The following TBC1D22A variants were observed in gnomAD, a reference collection of about 807,000 sequenced individuals.
TBC1D22A encodes putative GTPase activator.
TBC1D22A carries 38 observed loss-of-function variants against 60.2 expected under a neutral mutation model. That is an observed-to-expected ratio of 0.63 (90% CI 0.49 to 0.83). TBC1D22A has a LOEUF of 0.83. TBC1D22A is among the 40% of genes least tolerant of loss of function. The pLI, the probability that TBC1D22A is intolerant of heterozygous loss-of-function variation, is 0.00. For missense variants in TBC1D22A, 628 were observed against 701.0 expected (o/e 0.90, Z 1.18); for synonymous variants, 302 against 281.7 (o/e 1.07, Z -0.72).
At chr22:47,044,064 G>T (rs1291486349) in intron 11 of TBC1D22A, among the ~76,000 whole-genome samples, 1 of 91,206 alleles carries the variant, frequency 1.1e-5, no homozygotes, top group Non-Finnish European at 2.3e-5. Flanking sequence ...CACTGGGGTG[G>T]AAGGGCATCG....
chr22:47,098,997 A>T (rs1458621667), intron 11 of TBC1D22A, among the ~76,000 whole-genome samples: 1 of 152,212 alleles, frequency 6.6e-6, no homozygotes, highest in African/African-American at 2.4e-5. Flanking sequence ...GCTCCTGAAG[A>T]TGAATTTCCC....
chr22:47,150,079 A>G (rs902863546), intron 12 of TBC1D22A, among the ~76,000 whole-genome samples: 1 of 152,114 alleles, frequency 6.6e-6, no homozygotes, highest in African/African-American at 2.4e-5. Flanking sequence ...GTTCCTGTCT[A>G]TAAAATGAGT....
intron 4 of TBC1D22A, among the ~76,000 whole-genome samples, chr22:46,857,389 C>T (rs1489675634): frequency 5.3e-5 from 8 of 152,184 alleles, no homozygotes; most frequent in African/African-American, 1.7e-4. Flanking sequence ...GCTGTAGTCC[C>T]GCAGCAGAGG....
At chr22:47,002,719 AG>A (rs1036001449) in intron 10 of TBC1D22A, among the ~76,000 whole-genome samples, 14 of 152,186 alleles carry the variant, frequency 9.2e-5, no homozygotes, top group African/African-American at 3.4e-4. Flanking sequence ...TGGTGGTGCC[AG>A]GGCACCGTTG....
intron 8 of TBC1D22A, among the ~76,000 whole-genome samples, chr22:46,949,084 C>A (rs1454444377): frequency 1.3e-5 from 2 of 152,158 alleles, no homozygotes; most frequent in African/African-American, 4.8e-5. Context: ...GACAGTCTGA[C>A]CCAATGAGGG....
chr22:47,121,178 A>G (rs576367524), intron 12 of TBC1D22A, among the ~76,000 whole-genome samples: 56 of 152,364 alleles, frequency 3.7e-4, no homozygotes, highest in African/African-American at 1.3e-3. Flanking sequence ...TAAAGAATCG[A>G]AAATGGAAGC....
chr22:47,111,385 A>G, intron 11 of TBC1D22A, 123 bp from the exon 12 acceptor site: 1 of 788,094 alleles, frequency 1.3e-6, no homozygotes, highest in Non-Finnish European at 2.1e-6. Context: ...AAAGTGAGTC[A>G]ACACAAGCTT....
chr22:46,878,747 C>G, intron 5 of TBC1D22A, 24 bp downstream of exon 5: 1 of 1,609,908 alleles, frequency 6.2e-7, no homozygotes, highest in Non-Finnish European at 8.5e-7. Context: ...CACCGCCCAT[C>G]AGCGCCTCCT....
chr22:46,868,313 C>T (rs2067149364), intron 4 of TBC1D22A, among the ~76,000 whole-genome samples: 1 of 152,266 alleles, frequency 6.6e-6, no homozygotes, highest in Middle Eastern at 3.4e-3. Context: ...TCAGTATACA[C>T]ACATTTTGTT....
intron 12 of TBC1D22A, chr22:47,116,030 T>TG (rs2066034400): frequency 6.6e-6 from 1 of 152,270 alleles, no homozygotes; most frequent in East Asian, 1.9e-4. Context: ...CCCAGGGGAC[T>TG]GGGGGTCCAA....
chr22:47,151,226 G>T (rs922618922), intron 12 of TBC1D22A, among the ~76,000 whole-genome samples: 1 of 152,196 alleles, frequency 6.6e-6, no homozygotes, highest in African/African-American at 2.4e-5. Context: ...ACGCTGCGTG[G>T]TGTGGGGTTC....
chr22:47,142,266 CCACT>C (rs1310148724), intron 12 of TBC1D22A, among the ~76,000 whole-genome samples: 1 of 138,956 alleles, frequency 7.2e-6, no homozygotes, highest in Non-Finnish European at 1.6e-5. Context: ...ACCCACCCAC[CCACT>C]CATCCACCCC....
intron 9 of TBC1D22A, among the ~76,000 whole-genome samples, chr22:46,982,322 C>T (rs1245189826): frequency 2.6e-5 from 4 of 151,122 alleles, no homozygotes; most frequent in Non-Finnish European, 5.9e-5. Flanking sequence ...CTCCCGGGTT[C>T]AAGCAATTCT....
intron 12 of TBC1D22A, among the ~76,000 whole-genome samples, chr22:47,150,340 G>A (rs1454848241): frequency 6.6e-6 from 1 of 152,150 alleles, no homozygotes; most frequent in Non-Finnish European, 1.5e-5. Flanking sequence ...GAGGGCTCCA[G>A]GCAGCTTGGA....
intron 8 of TBC1D22A, among the ~76,000 whole-genome samples, chr22:46,944,555 T>C (rs544789234): frequency 6.2e-4 from 95 of 152,170 alleles, no homozygotes; most frequent in Middle Eastern, 3.4e-3. Context: ...CCCGCCACCA[T>C]GCCCGGCTAA....
intron 8 of TBC1D22A, among the ~76,000 whole-genome samples, chr22:46,921,355 C>T (rs1473147469): frequency 6.6e-6 from 1 of 152,150 alleles, no homozygotes; most frequent in Non-Finnish European, 1.5e-5. Flanking sequence ...TTTTCTGTGC[C>T]TGTATTGGTT....
intron 11 of TBC1D22A, among the ~76,000 whole-genome samples, chr22:47,059,274 T>A (rs1388976683): frequency 4.6e-5 from 7 of 152,222 alleles, no homozygotes; most frequent in Non-Finnish European, 7.3e-5. Context: ...CTGGTGTGGG[T>A]GCGCACGCGT....
chr22:46,925,524 G>A (rs2071000979), intron 8 of TBC1D22A, among the ~76,000 whole-genome samples: 1 of 152,218 alleles, frequency 6.6e-6, no homozygotes, highest in Non-Finnish European at 1.5e-5. Flanking sequence ...TAAAAGATTG[G>A]AAAGTTTAAT....
At chr22:47,166,870 T>C (rs1285176002) in intron 12 of TBC1D22A, among the ~76,000 whole-genome samples, 1 of 152,246 alleles carries the variant, frequency 6.6e-6, no homozygotes, top group African/African-American at 2.4e-5. Flanking sequence ...CCAGGTGCTC[T>C]AGCTGCAGTG....
Sources: gnomAD v4.1 joint callset for allele counts (sites outside exome capture counted in the v4.1 genomes callset) on GRCh38, gnomAD v4.1.1 for gene constraint, MANE v1.5 for transcripts, NCBI Gene and HGNC (gene_info 2026-07-23, HGNC 2026-07-21) for gene names.